Variants in ADAMTSL1 observed in about 807,000 individuals in gnomAD.
ADAMTSL1 encodes ADAMTS like 1, also known as ADAMTS-like protein 1.
Under a neutral mutation model 201.8 loss-of-function variants are expected in ADAMTSL1, and 126 were observed. The observed-to-expected ratio is 0.62, with a 90% confidence interval of 0.54 to 0.72. The LOEUF is 0.72. Ranked by LOEUF, ADAMTSL1 falls within the 30% of genes least tolerant of loss-of-function variation. The pLI, the probability that ADAMTSL1 is intolerant of heterozygous loss-of-function variation, is 0.00. For synonymous variants in ADAMTSL1, 1,121 were observed against 903.4 expected (o/e 1.24, Z -4.32); for missense variants, 2,679 against 2,277.8 (o/e 1.18, Z -3.59).
chr9:18,123,698 A>G (rs1479953700), intron 1 of ADAMTSL1, among the ~76,000 whole-genome samples: 2 of 152,178 alleles, frequency 1.3e-5, no homozygotes, highest in East Asian at 3.8e-4. Flanking sequence ...ACAGACGTCG[A>G]CACTGCATAA....
chr9:18,425,754 G>T (rs1254789516), intron 2 of ADAMTSL1, among the ~76,000 whole-genome samples: 1 of 150,874 alleles, frequency 6.6e-6, no homozygotes, highest in Non-Finnish European at 1.5e-5. Context: ...TACTCTGGAG[G>T]CTGAGGTGGG....
chr9:18,906,038 C>CCAGTGG, intron 27 of ADAMTSL1, 147 bp downstream of exon 27: 1 of 698,794 alleles, frequency 1.4e-6, no homozygotes, highest in Non-Finnish European at 2.4e-6. Flanking sequence ...AAGCCACTGG[C>CCAGTGG]CTCCCCAGAG....
At chr9:18,708,830 A>G (rs1414791802) in intron 14 of ADAMTSL1, among the ~76,000 whole-genome samples, 1 of 152,276 alleles carries the variant, frequency 6.6e-6, no homozygotes, top group African/African-American at 2.4e-5. Flanking sequence ...GTAATGGAAT[A>G]TCTAAATAAC....
intron 1 of ADAMTSL1, among the ~76,000 whole-genome samples, chr9:18,154,130 C>A (rs1040928338): frequency 6.6e-5 from 10 of 151,934 alleles, no homozygotes; most frequent in African/African-American, 2.4e-4. Context: ...GAAAAGCACC[C>A]CTTTTTTGTG....
chr9:18,422,452 A>G (rs569485852), intron 2 of ADAMTSL1, among the ~76,000 whole-genome samples: 9 of 150,130 alleles, frequency 6.0e-5, no homozygotes, highest in South Asian at 4.2e-4. Context: ...GTGGGTTTTC[A>G]TGTGGTTTGT....
At chr9:18,471,719 A>G (rs1187509857), upstream of ADAMTSL1, among the ~76,000 whole-genome samples, 3 of 152,216 alleles carry the variant, frequency 2.0e-5, no homozygotes, top group African/African-American at 7.2e-5. Context: ...AGCATGAGAC[A>G]GTGTGGTGGG....
intron 2 of ADAMTSL1, among the ~76,000 whole-genome samples, chr9:18,366,514 A>G (rs1410948788): frequency 6.6e-6 from 1 of 151,924 alleles, no homozygotes; most frequent in Non-Finnish European, 1.5e-5. Flanking sequence ...ACCTCTTTGG[A>G]AAGTTGGTGG....
intron 4 of ADAMTSL1, among the ~76,000 whole-genome samples, chr9:18,587,750 C>T (rs1409453965): frequency 6.6e-6 from 1 of 152,124 alleles, no homozygotes. Flanking sequence ...TCTTTCTGTG[C>T]CTGGTTTATT....
intron 1 of ADAMTSL1, among the ~76,000 whole-genome samples, chr9:18,161,863 A>G (rs1239734173): frequency 6.6e-6 from 1 of 152,042 alleles, no homozygotes; most frequent in Non-Finnish European, 1.5e-5. Context: ...TCCATGAATC[A>G]GTTTTTGCAA....
intron 1 of ADAMTSL1, among the ~76,000 whole-genome samples, chr9:18,071,883 C>T (rs1194249324): frequency 6.6e-6 from 1 of 152,212 alleles, no homozygotes; most frequent in Non-Finnish European, 1.5e-5. Context: ...TCATCAGCCG[C>T]ACTTCCTGTG....
chr9:18,017,141 T>C (rs1475088182), intron 1 of ADAMTSL1, among the ~76,000 whole-genome samples: 2 of 152,096 alleles, frequency 1.3e-5, no homozygotes, highest in Admixed American at 6.6e-5. Flanking sequence ...TTTCCATCTC[T>C]ACTATAGCAA....
At chr9:18,769,657 C>T (rs1820572124) in intron 16 of ADAMTSL1, among the ~76,000 whole-genome samples, 1 of 152,170 alleles carries the variant, frequency 6.6e-6, no homozygotes, top group Non-Finnish European at 1.5e-5. Context: ...TTCCAGCCAG[C>T]AGCGAGGAGA....
intron 1 of ADAMTSL1, among the ~76,000 whole-genome samples, chr9:17,976,845 G>T (rs1427929225): frequency 1.3e-5 from 2 of 150,718 alleles, no homozygotes; most frequent in Admixed American, 1.3e-4. Context: ...TTGCCTAGTT[G>T]CTCGGGCTAT....
chr9:18,613,030 G>A (rs575682823), intron 4 of ADAMTSL1, among the ~76,000 whole-genome samples: 4 of 151,996 alleles, frequency 2.6e-5, no homozygotes, highest in African/African-American at 9.6e-5. Flanking sequence ...AAAAAACAAT[G>A]CCATTAAAAG....
intron 2 of ADAMTSL1, among the ~76,000 whole-genome samples, chr9:18,190,700 A>C (rs1026160474): frequency 6.6e-6 from 1 of 152,218 alleles, no homozygotes; most frequent in African/African-American, 2.4e-5. Context: ...GACTAAAATA[A>C]TTATTGCATA....
chr9:18,030,640 A>G (rs1345740890), intron 1 of ADAMTSL1, among the ~76,000 whole-genome samples: 3 of 152,292 alleles, frequency 2.0e-5, no homozygotes, highest in South Asian at 4.1e-4. Flanking sequence ...GTCTTTTTGT[A>G]CAGTATGTCA....
chr9:17,950,146 A>C (rs111525002), intron 1 of ADAMTSL1, among the ~76,000 whole-genome samples: 1 of 152,202 alleles, frequency 6.6e-6, no homozygotes, highest in Non-Finnish European at 1.5e-5. Flanking sequence ...GACTCAGGTG[A>C]TCTGCCTGCC....
At chr9:18,499,312 A>G (rs1038759150) in intron 1 of ADAMTSL1, among the ~76,000 whole-genome samples, 1 of 152,264 alleles carries the variant, frequency 6.6e-6, no homozygotes, top group Admixed American at 6.5e-5. Flanking sequence ...ATGGACTTTT[A>G]CAAGAGCCCA....
intron 1 of ADAMTSL1, among the ~76,000 whole-genome samples, chr9:17,940,045 T>G (rs889186121): frequency 5.3e-5 from 8 of 151,886 alleles, no homozygotes; most frequent in African/African-American, 1.9e-4. Context: ...GGGGGGAGGA[T>G]GAAACAATAG....
Sources: gnomAD v4.1 joint callset for allele counts (sites outside exome capture counted in the v4.1 genomes callset) on GRCh38, gnomAD v4.1.1 for gene constraint, MANE v1.5 for transcripts, NCBI Gene and HGNC (gene_info 2026-07-23, HGNC 2026-07-21) for gene names.